Variants in SLC14A2 observed in about 807,000 individuals in gnomAD.
SLC14A2 encodes solute carrier family 14 member 2.
Under a neutral mutation model 104.6 loss-of-function variants are expected in SLC14A2, and 91 were observed. The ratio of observed to expected loss-of-function variants is 0.87; its 90% confidence interval spans 0.73 to 1.04. The LOEUF (loss-of-function observed/expected upper bound fraction) is 1.04, where lower values mean the gene tolerates loss of function less well. Ranked by LOEUF, SLC14A2 falls within the 50% of genes least tolerant of loss-of-function variation. SLC14A2 has a pLI of 0.00. For missense variants in SLC14A2, 1,189 were observed against 1,156.0 expected (o/e 1.03, Z -0.41); for synonymous variants, 476 against 466.4 (o/e 1.02, Z -0.27).
chr18:45,205,135 A>T, the SLC14A2 span, among the ~76,000 whole-genome samples: 1 of 152,190 alleles, frequency 6.6e-6, no homozygotes, highest in African/African-American at 2.4e-5. Flanking sequence ...TCTTTTCCCC[A>T]GCATGCGGGC....
chr18:45,273,926 T>C (rs1012118712), intron 1 of SLC14A2, among the ~76,000 whole-genome samples: 3 of 152,218 alleles, frequency 2.0e-5, no homozygotes, highest in African/African-American at 4.8e-5. Context: ...TCCATTATGC[T>C]GTAAATGTGT....
At chr18:45,244,360 C>T (rs1021467209) in intron 1 of SLC14A2, among the ~76,000 whole-genome samples, 1 of 152,122 alleles carries the variant, frequency 6.6e-6, no homozygotes, top group African/African-American at 2.4e-5. Context: ...GGCGCAGTGG[C>T]TCATGCCTGT....
At chr18:45,432,890 T>C (rs2086538928) in intron 1 of SLC14A2, among the ~76,000 whole-genome samples, 1 of 152,174 alleles carries the variant, frequency 6.6e-6, no homozygotes, top group Admixed American at 6.5e-5. Context: ...TTGATTTCCA[T>C]GTATTAGCAA....
chr18:45,319,767 G>T (rs1414646092), intron 1 of SLC14A2, among the ~76,000 whole-genome samples: 1 of 152,204 alleles, frequency 6.6e-6, no homozygotes, highest in Non-Finnish European at 1.5e-5. Context: ...ATGAAACTGT[G>T]CTCACCTCAC....
chr18:45,657,248 G>T (rs1007889701), intron 10 of SLC14A2, among the ~76,000 whole-genome samples: 4 of 152,204 alleles, frequency 2.6e-5, no homozygotes, highest in African/African-American at 9.6e-5. Context: ...GAAGCGGGTG[G>T]ATCACCTGAG....
chr18:45,443,537 T>C (rs2086715078), intron 1 of SLC14A2, among the ~76,000 whole-genome samples: 1 of 151,982 alleles, frequency 6.6e-6, no homozygotes, highest in South Asian at 2.1e-4. Context: ...GGTCAGATAA[T>C]TTCTTGATGG....
chr18:45,673,115 G>A, intron 17 of SLC14A2, 68 bp downstream of exon 17: 1 of 1,442,894 alleles, frequency 6.9e-7, no homozygotes, highest in Non-Finnish European at 9.6e-7. Flanking sequence ...ATAAAATGGT[G>A]ACTCTCATCT....
At chr18:45,462,880 C>T (rs1321382915) in intron 1 of SLC14A2, among the ~76,000 whole-genome samples, 3 of 152,212 alleles carry the variant, frequency 2.0e-5, no homozygotes, top group Non-Finnish European at 4.4e-5. Context: ...ACTTAGCAAA[C>T]TGCTTGTCAC....
intron 19 of SLC14A2, among the ~76,000 whole-genome samples, chr18:45,679,485 G>T (rs2046281469): frequency 6.6e-6 from 1 of 152,204 alleles, no homozygotes; most frequent in East Asian, 1.9e-4. Context: ...AAAGTCACGG[G>T]CCACAGTCTG....
chr18:45,288,273 A>C (rs1345223335), intron 1 of SLC14A2, among the ~76,000 whole-genome samples: 1 of 152,210 alleles, frequency 6.6e-6, no homozygotes, highest in African/African-American at 2.4e-5. Context: ...ATATCCTCCC[A>C]GTGATTAATC....
intron 2 of SLC14A2, among the ~76,000 whole-genome samples, chr18:45,505,690 A>T (rs1305992013): frequency 6.6e-6 from 1 of 152,158 alleles, no homozygotes; most frequent in Non-Finnish European, 1.5e-5. Context: ...GAGCACCCAC[A>T]CCACGTGAGA....
chr18:45,618,374 G>C (rs1462843262), intron 1 of SLC14A2, among the ~76,000 whole-genome samples: 6 of 152,100 alleles, frequency 3.9e-5, no homozygotes, highest in Admixed American at 6.6e-5. Flanking sequence ...GAGTTGGTTA[G>C]AAGATGAAGT....
intron 1 of SLC14A2, among the ~76,000 whole-genome samples, chr18:45,386,183 T>G (rs2085894476): frequency 6.6e-6 from 1 of 152,140 alleles, no homozygotes; most frequent in South Asian, 2.1e-4. Flanking sequence ...GAGTCCCAGA[T>G]GAGAAGCTAC....
At chr18:45,575,902 C>T (rs2044412133) in intron 2 of SLC14A2, among the ~76,000 whole-genome samples, 1 of 151,624 alleles carries the variant, frequency 6.6e-6, no homozygotes, top group African/African-American at 2.4e-5. Flanking sequence ...TTCTTTGAGA[C>T]ACTGTACGAA....
rs1052341239 is a variant in SLC14A2, at chr18:45,479,936, G to A, written c.-124-3297G>A. On this transcript the variant is annotated intron_variant, in intron 1 of 20. Transcript: ENST00000586448. ...GACGTGAACATTTATTGCACCTCTC[G>A]TAAATTCCATGAGGGTCTTCATCAT... 5.9e-5 allele frequency among the ~76,000 whole-genome samples: 9 copies of A among 152,230 alleles called. No homozygotes were observed. In the South Asian group the frequency reaches 1.2e-3, roughly 21 times the overall value.
At chr18:45,299,465 T>C (rs921414629) in intron 1 of SLC14A2, among the ~76,000 whole-genome samples, 3 of 152,186 alleles carry the variant, frequency 2.0e-5, no homozygotes, top group Admixed American at 2.0e-4. Context: ...TTTGTTTTTG[T>C]TTTTTTATTT....
At chr18:45,628,277 C>G (rs2045292728) in intron 4 of SLC14A2, among the ~76,000 whole-genome samples, 1 of 151,946 alleles carries the variant, frequency 6.6e-6, no homozygotes, top group Non-Finnish European at 1.5e-5. Flanking sequence ...AACCCCATCT[C>G]TACTAAAAGT....
chr18:45,227,549 G>T (rs2084131819), intron 1 of SLC14A2, among the ~76,000 whole-genome samples: 1 of 152,196 alleles, frequency 6.6e-6, no homozygotes, highest in South Asian at 2.1e-4. Context: ...TTTTATTTGG[G>T]CCTTAATCCC....
intron 2 of SLC14A2, among the ~76,000 whole-genome samples, chr18:45,572,677 A>G (rs1453049856): frequency 6.6e-6 from 1 of 152,218 alleles, no homozygotes; most frequent in Non-Finnish European, 1.5e-5. Context: ...TCCAGCTCTC[A>G]GAAGCTGCTT....
Sources: gnomAD v4.1 joint callset for allele counts (sites outside exome capture counted in the v4.1 genomes callset) on GRCh38, gnomAD v4.1.1 for gene constraint, MANE v1.5 for transcripts, NCBI Gene and HGNC (gene_info 2026-07-23, HGNC 2026-07-21) for gene names.